The following FILIP1L variants were observed in gnomAD, a reference collection of about 807,000 sequenced individuals.
The protein encoded by FILIP1L is filamin A-interacting protein 1-like.
In FILIP1L, 55 loss-of-function variants were observed where a neutral mutation model predicts 96.6. The ratio of observed to expected loss-of-function variants is 0.57; its 90% CI spans 0.46 to 0.71. The LOEUF is 0.71. Ranked by LOEUF, FILIP1L falls within the 30% of genes least tolerant of loss-of-function variation. The pLI is 0.00. For missense variants in FILIP1L, 1,304 were observed against 1,321.2 expected (o/e 0.99, Z 0.20); for synonymous variants, 467 against 473.9 (o/e 0.99, Z 0.19).
At chr3:99,882,720 CACAA>C (rs927012455) in intron 4 of FILIP1L, among the ~76,000 whole-genome samples, 4 of 152,248 alleles carry the variant, frequency 2.6e-5, no homozygotes, top group African/African-American at 9.6e-5. Flanking sequence ...GAAAAAATGG[CACAA>C]ACAGTGTGAT....
At chr3:100,079,858 ATAAC>A (rs1487878931) in intron 1 of FILIP1L, among the ~76,000 whole-genome samples, 5 of 152,222 alleles carry the variant, frequency 3.3e-5, no homozygotes, top group African/African-American at 4.8e-5. Flanking sequence ...TATTTAAAAA[ATAAC>A]TAACATAAAA....
intron 1 of FILIP1L, among the ~76,000 whole-genome samples, chr3:100,079,815 C>T (rs538794778): frequency 1.3e-5 from 2 of 150,598 alleles, no homozygotes; most frequent in Admixed American, 1.3e-4. Context: ...TCATGATAAC[C>T]TAAAAAAAAA....
chr3:99,902,146 G>C (rs1706457376), intron 4 of FILIP1L, among the ~76,000 whole-genome samples: 1 of 152,108 alleles, frequency 6.6e-6, no homozygotes, highest in African/African-American at 2.4e-5. Flanking sequence ...TGTTATATTA[G>C]ACATTTGTGG....
At chr3:100,048,607 T>C (rs1432813829) in intron 1 of FILIP1L, among the ~76,000 whole-genome samples, 1 of 152,180 alleles carries the variant, frequency 6.6e-6, no homozygotes, top group African/African-American at 2.4e-5. Flanking sequence ...AGGTGATTCT[T>C]GCACCACTTT....
At chr3:100,091,113 G>A (rs895515409) in intron 1 of FILIP1L, among the ~76,000 whole-genome samples, 5 of 151,126 alleles carry the variant, frequency 3.3e-5, no homozygotes, top group Non-Finnish European at 7.4e-5. Flanking sequence ...GTGAAACCCC[G>A]TCTCTACTAA....
intron 5 of FILIP1L, among the ~76,000 whole-genome samples, chr3:99,838,755 G>A (rs1160875003): frequency 1.3e-5 from 2 of 152,202 alleles, no homozygotes; most frequent in Non-Finnish European, 2.9e-5. Context: ...ATATGTCAGA[G>A]TTTTAATCTA....
intron 1 of FILIP1L, among the ~76,000 whole-genome samples, chr3:100,014,585 G>T (rs1432098176): frequency 6.6e-6 from 1 of 152,044 alleles, no homozygotes; most frequent in Non-Finnish European, 1.5e-5. Flanking sequence ...TTTCCCTGAT[G>T]TCTAGTGATG....
chr3:99,990,801 G>A (rs1709488830), intron 1 of FILIP1L, among the ~76,000 whole-genome samples: 2 of 152,086 alleles, frequency 1.3e-5, no homozygotes, highest in Non-Finnish European at 2.9e-5. Flanking sequence ...ATACCTTTCT[G>A]GAATTCCATA....
intron 1 of FILIP1L, among the ~76,000 whole-genome samples, chr3:100,093,745 C>G (rs996839274): frequency 1.3e-5 from 2 of 152,196 alleles, no homozygotes; most frequent in African/African-American, 4.8e-5. Context: ...ATCACTACTT[C>G]TCAATTTATA....
chr3:100,074,044 G>A (rs915601506), intron 1 of FILIP1L, among the ~76,000 whole-genome samples: 6 of 152,050 alleles, frequency 3.9e-5, no homozygotes, highest in Non-Finnish European at 7.4e-5. Context: ...TGTTAACTGC[G>A]GGAAAAGGTT....
chr3:99,912,339 T>G (rs1576567704), intron 4 of FILIP1L, among the ~76,000 whole-genome samples: 1 of 152,158 alleles, frequency 6.6e-6, no homozygotes. Flanking sequence ...CTAGCGGCTG[T>G]AGTGTCACTG....
intron 1 of FILIP1L, among the ~76,000 whole-genome samples, chr3:100,077,506 GGATTTAAGGA>G (rs1468519766): frequency 6.6e-6 from 1 of 152,186 alleles, no homozygotes; most frequent in Admixed American, 6.5e-5. Flanking sequence ...AAGATAAGGA[GGATTTAAGGA>G]AATGGAGAGG....
At chr3:99,991,765 G>A (rs1027239632) in intron 1 of FILIP1L, among the ~76,000 whole-genome samples, 3 of 151,346 alleles carry the variant, frequency 2.0e-5, no homozygotes, top group African/African-American at 4.9e-5. Context: ...CTATGTTGCT[G>A]CAAAAAGACA....
chr3:100,046,498 A>G (rs1239924787), intron 1 of FILIP1L, among the ~76,000 whole-genome samples: 2 of 151,456 alleles, frequency 1.3e-5, no homozygotes, highest in African/African-American at 4.9e-5. Flanking sequence ...AGCTTGTTGT[A>G]TATACAGAGA....
rs1428486118 is a variant in FILIP1L, at chr3:99,910,780, TA to T, written c.605+13449del. Among the ~76,000 whole-genome samples, 3 of 83,554 alleles carry T rather than the reference TA, an allele frequency of 3.6e-5. 1 individual carries two copies. The highest frequency in any genetic ancestry group is 9.4e-5 in the African/African-American group (3 of 31,976). 54.8% of individuals were successfully genotyped at this position (83,554 alleles called of 152,430 possible). On this transcript the variant is annotated intron_variant, in intron 4 of 5. Coordinates refer to ENST00000477258, the MANE Select transcript of FILIP1L (RefSeq NM_001387850.1). Reference sequence around the variant, plus strand: ...CATGCAAGAAAGTAGATAACTAGAATATTTATGCCCATTTTATAGATGGAAG... The same window carrying T: ...CATGCAAGAAAGTAGATAACTAGAATTTTATGCCCATTTTATAGATGGAAG...
chr3:99,999,541 C>T (rs1269206156), intron 1 of FILIP1L, among the ~76,000 whole-genome samples: 1 of 152,170 alleles, frequency 6.6e-6, no homozygotes, highest in Non-Finnish European at 1.5e-5. Flanking sequence ...TATCCTTACA[C>T]TGTATAAGCT....
chr3:99,851,025 C>T lies in FILIP1L; in HGVS notation c.651G>A (p.Lys217=), dbSNP rs1271496155. The T allele has an allele frequency of 1.9e-6, 3 of 1,609,586 alleles. No homozygotes were observed. The East Asian group carries it at 6.7e-5, about 36-fold the overall frequency. ...IDQEIKSQEE[K]EQEKEKRVTT... ...TGACCCTTTTCTCCTTTTCTTGCTCCTTCTCCTCCTGAGACTTGATTTCTT... is the reference window on the plus strand; with the variant it reads ...TGACCCTTTTCTCCTTTTCTTGCTCTTTCTCCTCCTGAGACTTGATTTCTT... The change falls in exon 5 of 6, where the codon AAG becomes AAA. Residue 217 remains lysine, a synonymous_variant. Transcript: ENST00000477258.
intron 4 of FILIP1L, among the ~76,000 whole-genome samples, chr3:99,867,734 C>T (rs143570492): frequency 5.3e-5 from 8 of 152,274 alleles, no homozygotes; most frequent in African/African-American, 1.9e-4. Flanking sequence ...CCTTTCCTCC[C>T]TTCTTTCCTA....
At chr3:100,040,312 T>A (rs2065182616) in intron 1 of FILIP1L, 1 of 150,346 alleles carries the variant, frequency 6.7e-6, no homozygotes, top group Non-Finnish European at 1.5e-5. Context: ...AAAAAAAGTA[T>A]TAATTATTCA....
Sources: allele counts gnomAD v4.1 joint callset (sites outside exome capture counted in the v4.1 genomes callset), GRCh38; gene constraint gnomAD v4.1.1; transcripts MANE v1.5; gene names NCBI Gene and HGNC (gene_info 2026-07-23, HGNC 2026-07-21).